Variants in BAHCC1 observed in about 807,000 individuals in gnomAD.
BAHCC1 encodes the protein BAH and coiled-coil domain-containing protein 1.
BAHCC1 carries 43 observed loss-of-function variants against 88.2 expected under a neutral mutation model. That is an observed-to-expected ratio of 0.49 (90% CI 0.38 to 0.63). The LOEUF is 0.63. Ranked by LOEUF, BAHCC1 falls within the 20% of genes least tolerant of loss-of-function variation. The pLI, the probability that BAHCC1 is intolerant of heterozygous loss-of-function variation, is 0.00. For synonymous variants in BAHCC1, 1,510 were observed against 745.5 expected (o/e 2.03, Z -16.71); for missense variants, 3,023 against 1,654.8 (o/e 1.83, Z -14.34).
At position 81,451,971 on chromosome 17, in the gene BAHCC1, G is replaced by A; in HGVS notation, c.4180G>A (p.Val1394Met). The A allele has an allele frequency of 1.6e-6, 1 of 624,980 alleles. No homozygotes were observed. Among genetic ancestry groups the A allele is most frequent in the Non-Finnish European group, 2.9e-6 (1 of 349,404 alleles). 38.7% of individuals were successfully genotyped at this position (624,980 alleles called of 1,614,324 possible). The change falls in exon 13 of 28, where the codon GTG becomes ATG. Residue 1394 changes from valine to methionine, a missense_variant and splice_region_variant. Physicochemically the swap from Val to Met is conservative, Grantham distance 21. Transcript: ENST00000675386. ...KDTWTPKTKP[V>M]CPLKAAIDRL... ...CAGGCCCCTGTGCCCCCCCCACCAG[G>A]TGTGCCCCCTGAAGGCCGCCATCGA...
intron 10 of BAHCC1, among the ~76,000 whole-genome samples, chr17:81,446,457 A>AGGGTTGTT (rs1312506272): frequency 7.4e-6 from 1 of 135,102 alleles, no homozygotes; most frequent in African/African-American, 2.8e-5. Flanking sequence ...CCCGGCAGCC[A>AGGGTTGTT]GGGTTGTTGG....
In BAHCC1 at chr17:81,461,154, C is replaced by A; in HGVS notation, c.6491C>A (p.Ser2164Tyr). 1.3e-6 allele frequency: 1 copy of A among 759,500 alleles called. No individual in the cohort carries two copies. The highest frequency in any genetic ancestry group is 2.5e-5 in the East Asian group (1 of 40,660). The allele number at this position is 759,500 out of a possible 1,614,324, so 47.0% of individuals were successfully genotyped here. Reference protein sequence around the residue: ...RADSFSSLASSYAPFVGGTGP... With the variant: ...RADSFSSLASYYAPFVGGTGP... The stretch of plus-strand genomic sequence containing the variant: ...GACTCCTTCAGCAGCCTGGCCAGCT[C>A]CTACGCGCCCTTCGTCGGGGGGACC... Residue 2164 changes from serine to tyrosine, a missense_variant, in exon 26 of 28, where the codon TCC becomes TAC. By Grantham distance (144) the Ser-to-Tyr change is moderately radical (BLOSUM62 -2). Transcript: ENST00000675386.
intron 3 of BAHCC1, among the ~76,000 whole-genome samples, chr17:81,432,626 ACCC>A (rs2064277222): frequency 7.2e-5 from 3 of 41,884 alleles, no homozygotes; most frequent in Non-Finnish European, 1.3e-4. Context: ...CCCTGGACCC[ACCC>A]TCCCGGGCCC....
At chr17:81,433,403 C>T (rs1455554413) in intron 3 of BAHCC1, among the ~76,000 whole-genome samples, 1 of 152,132 alleles carries the variant, frequency 6.6e-6, no homozygotes, top group African/African-American at 2.4e-5. Flanking sequence ...GTGGGAACTG[C>T]CCATAGCTGC....
intron 2 of BAHCC1, among the ~76,000 whole-genome samples, chr17:81,412,053 A>G (rs1393159693): frequency 6.6e-6 from 1 of 152,218 alleles, no homozygotes; most frequent in Non-Finnish European, 1.5e-5. Flanking sequence ...GACCCCCAGG[A>G]GGCCTGATGG....
intron 10 of BAHCC1, 96 bp from the exon 11 acceptor site, chr17:81,446,940 G>A (rs1340770898): frequency 1.4e-6 from 1 of 732,534 alleles, no homozygotes; most frequent in African/African-American, 1.7e-5. Context: ...CACGGGCTTG[G>A]GTCTGAGGGT....
At chr17:81,449,440 G>A (rs550653609) in intron 11 of BAHCC1, among the ~76,000 whole-genome samples, 2 of 152,310 alleles carry the variant, frequency 1.3e-5, no homozygotes, top group South Asian at 4.1e-4. Context: ...ATTTGCAGAG[G>A]GGGAAGTGGA....
chr17:81,403,825 C>T (rs894281689), intron 2 of BAHCC1, among the ~76,000 whole-genome samples: 9 of 152,182 alleles, frequency 5.9e-5, no homozygotes, highest in Admixed American at 2.0e-4. Context: ...AATGTGGGGC[C>T]GCGTGGACCG....
chr17:81,407,137 G>C (rs1567995136), intron 2 of BAHCC1, among the ~76,000 whole-genome samples: 1 of 152,190 alleles, frequency 6.6e-6, no homozygotes, highest in Non-Finnish European at 1.5e-5. Flanking sequence ...CAACTGTGAG[G>C]AACGGCAGAG....
At chr17:81,457,713 G>A (rs2064776316) in intron 17 of BAHCC1, 121 bp downstream of exon 17, 1 of 480,704 alleles carries the variant, frequency 2.1e-6, no homozygotes, top group East Asian at 4.0e-5. Context: ...GGTTTGCTGG[G>A]TAACCAGGAG....
In BAHCC1 at chr17:81,421,346, G is replaced by A. The variant is rs544410703; in HGVS notation, c.179-5454G>A. Reference sequence around the variant, plus strand: ...GGGTTGGCCACTGGTCGGCGGGGGGGCTGGGGAGGTGGCAGCCTGGTCTGC... The same window carrying A: ...GGGTTGGCCACTGGTCGGCGGGGGGACTGGGGAGGTGGCAGCCTGGTCTGC... On this transcript the variant is annotated intron_variant, in intron 2 of 27. Coordinates refer to ENST00000675386, the MANE Select transcript of BAHCC1 (RefSeq NM_001377448.1). Among the ~76,000 whole-genome samples, 280 of 152,362 alleles carry A rather than the reference G, an allele frequency of 1.8e-3. 2 individuals are homozygous for A. Among genetic ancestry groups the A allele is most frequent in the Non-Finnish European group, 1.1e-3 (78 of 68,036 alleles).
chr17:81,427,059 G>A (rs2064208708), intron 3 of BAHCC1, 80 bp downstream of exon 3: 2 of 398,348 alleles, frequency 5.0e-6, no homozygotes, highest in Non-Finnish European at 4.4e-6. Flanking sequence ...GGGCAGGTGA[G>A]GGGCTCCCAT....
intron 2 of BAHCC1, among the ~76,000 whole-genome samples, chr17:81,409,174 C>T (rs2063917171): frequency 6.6e-6 from 1 of 152,214 alleles, no homozygotes; most frequent in Non-Finnish European, 1.5e-5. Context: ...GCGTGGGCAC[C>T]TGCCTGGGGG....
At position 81,447,305 on chromosome 17, in the gene BAHCC1, G is replaced by T; in HGVS notation, c.3433G>T (p.Ala1145Ser). The T allele has an allele frequency of 1.4e-6, 1 of 739,942 alleles. No individual in the cohort carries two copies. The highest frequency in any genetic ancestry group is 2.5e-6 in the Non-Finnish European group (1 of 400,030). 45.8% of individuals were successfully genotyped at this position (739,942 alleles called of 1,614,324 possible). The change falls in exon 11 of 28, where the codon GCA becomes TCA. Residue 1145 changes from alanine (A) to serine (S), a missense_variant. Ala to Ser is a moderately conservative substitution (Grantham distance 99, BLOSUM62 1). Coordinates refer to ENST00000675386, the MANE Select transcript of BAHCC1 (RefSeq NM_001377448.1). ...TACCGAGCGGGGACCCCAGGGGAAG[G>T]CAGCGGACCCCAGCCCACTAGAGGG... ...YPTERGPQGK[A>S]ADPSPLEGLQ...
intron 2 of BAHCC1, among the ~76,000 whole-genome samples, chr17:81,410,936 C>T (rs1365937132): frequency 6.6e-6 from 1 of 152,094 alleles, no homozygotes; most frequent in Non-Finnish European, 1.5e-5. Flanking sequence ...ACACTCTGCT[C>T]CCCCAGGGCG....
In BAHCC1 at chr17:81,459,167, A is replaced by G. The variant is rs1230507308; in HGVS notation, c.5719A>G (p.Ile1907Val). 1 of 769,510 alleles carries G rather than the reference A, an allele frequency of 1.3e-6. No individual in the cohort carries two copies. Among genetic ancestry groups the G allele is most frequent in the Non-Finnish European group, 2.4e-6 (1 of 412,378 alleles). 47.7% of individuals were successfully genotyped at this position (769,510 alleles called of 1,614,324 possible). A position where few individuals can be genotyped will look rare whatever the true frequency, so the allele number is the denominator to read the frequency against. Reference sequence around the variant, plus strand: ...CGTCAGGACCCTGCAGCCACCCGACATGTGAGGCCTGGGCATGGTGGGGCA... The same window carrying G: ...CGTCAGGACCCTGCAGCCACCCGACGTGTGAGGCCTGGGCATGGTGGGGCA... Reference protein sequence around the residue: ...GSVRTLQPPDIYSIVIEGERG... With the variant: ...GSVRTLQPPDVYSIVIEGERG... The change falls in exon 21 of 28, where the codon ATC (isoleucine) becomes GTC (valine). Residue 1907 changes from isoleucine (I) to valine (V), a missense_variant and splice_region_variant. Coordinates refer to ENST00000675386, the MANE Select transcript of BAHCC1 (RefSeq NM_001377448.1).
intron 3 of BAHCC1, among the ~76,000 whole-genome samples, chr17:81,430,824 G>A (rs900049251): frequency 3.3e-5 from 5 of 152,254 alleles, no homozygotes; most frequent in Non-Finnish European, 7.4e-5. Context: ...GTCTCCCACA[G>A]GCCCGCTGAC....
chr17:81,463,037 A>T (rs1481349759), intron 27 of BAHCC1, 61 bp downstream of exon 27: 9 of 737,280 alleles, frequency 1.2e-5, no homozygotes, highest in African/African-American at 8.6e-5. Flanking sequence ...GGGACACGAC[A>T]GCAGCCAGCA....
At position 81,447,464 on chromosome 17, in the gene BAHCC1, GCCT is replaced by G. The variant is rs782309061; in HGVS notation, c.3598_3600del (p.Ser1200del). The G allele has an allele frequency of 2.7e-6, 2 of 741,312 alleles. No individual in the cohort carries two copies. Among genetic ancestry groups the G allele is most frequent in the African/African-American group, 1.7e-5 (1 of 58,388 alleles). 45.9% of individuals were successfully genotyped at this position (741,312 alleles called of 1,614,324 possible). ...GGGGGAGCAGGGGCCCTCGTCAGGG[GCCT>G]CCTCCCAAGTCCTGGAGCAGCGAGC... On this transcript the variant is annotated inframe_deletion, in exon 11 of 28. Coordinates refer to ENST00000675386, the MANE Select transcript of BAHCC1 (RefSeq NM_001377448.1).
Sources: allele counts gnomAD v4.1 joint callset (sites outside exome capture counted in the v4.1 genomes callset), GRCh38; gene constraint gnomAD v4.1.1; transcripts MANE v1.5; gene names NCBI Gene and HGNC (gene_info 2026-07-23, HGNC 2026-07-21).